The following LRMDA variants were observed in gnomAD, a reference collection of about 807,000 sequenced individuals.
LRMDA encodes leucine-rich melanocyte differentiation-associated protein.
Under a neutral mutation model 29.8 loss-of-function variants are expected in LRMDA, and 18 were observed. The observed-to-expected ratio is 0.60, with a 90% CI of 0.42 to 0.90. The LOEUF (loss-of-function observed/expected upper bound fraction) is 0.90, where lower values mean the gene tolerates loss of function less well. Ranked by LOEUF, LRMDA falls within the 40% of genes least tolerant of loss-of-function variation. The pLI is 0.00. For missense variants in LRMDA, 273 were observed against 273.9 expected (o/e 1.00, Z 0.02); for synonymous variants, 125 against 109.4 (o/e 1.14, Z -0.89).
intron 4 of LRMDA, among the ~76,000 whole-genome samples, chr10:76,053,846 G>A (rs925069577): frequency 1.9e-4 from 29 of 152,162 alleles, no homozygotes; most frequent in Middle Eastern, 3.2e-3. Context: ...CGAGGACATT[G>A]GTTCTCAGCA....
intron 2 of LRMDA, among the ~76,000 whole-genome samples, chr10:75,859,617 ACACAC>A (rs1844886626): frequency 7.1e-4 from 105 of 147,646 alleles, no homozygotes; most frequent in South Asian, 3.8e-3. Flanking sequence ...ACACACACAC[ACACAC>A]ACACACACAC....
chr10:76,070,740 A>C (rs1848862223), intron 5 of LRMDA, among the ~76,000 whole-genome samples: 1 of 151,530 alleles, frequency 6.6e-6, no homozygotes, highest in Non-Finnish European at 1.5e-5. Context: ...CTTCCTAGTA[A>C]GAGTAAAATA....
intron 6 of LRMDA, among the ~76,000 whole-genome samples, chr10:76,525,134 T>C (rs1266439026): frequency 2.6e-5 from 4 of 152,204 alleles, no homozygotes; most frequent in Non-Finnish European, 5.9e-5. Context: ...TTGTGATACT[T>C]ATCCAGTGTT....
chr10:75,887,182 T>C (rs7082811), intron 2 of LRMDA, among the ~76,000 whole-genome samples: 58,257 of 149,782 alleles, frequency 0.39, 13,207 homozygotes, highest in South Asian at 0.5. Context: ...ATATATGATT[T>C]ATGTAAATAA....
chr10:76,005,873 T>C (rs1847643354), intron 2 of LRMDA, among the ~76,000 whole-genome samples: 1 of 151,620 alleles, frequency 6.6e-6, no homozygotes. Context: ...GAGCTTGCAG[T>C]GAGCCGAGAT....
intron 2 of LRMDA, among the ~76,000 whole-genome samples, chr10:75,646,786 T>C (rs1189843918): frequency 6.6e-6 from 1 of 152,084 alleles, no homozygotes; most frequent in Non-Finnish European, 1.5e-5. Flanking sequence ...TTGGGATGAG[T>C]TGGGCAAAAG....
chr10:75,795,834 A>T (rs972345180), intron 2 of LRMDA, among the ~76,000 whole-genome samples: 4 of 152,138 alleles, frequency 2.6e-5, no homozygotes, highest in African/African-American at 9.7e-5. Flanking sequence ...GAATTTGTGG[A>T]ATGTTGATAT....
rs759653629 is a variant in LRMDA, at chr10:76,272,572, C to T, written c.517-51829C>T. 6.4e-4 allele frequency among the ~76,000 whole-genome samples: 97 copies of T among 152,318 alleles called. 1 individual carries two copies. The Middle Eastern group carries it at 0.031, about 48-fold the overall frequency. On this transcript the variant is annotated intron_variant, in intron 5 of 6. Transcript: ENST00000611255. ...GCTTTGAGATTCTAGAATAATTTCT[C>T]AGCATTTTCCAAACAGACTCAGTCA...
At chr10:76,029,097 G>A (rs1432111193) in intron 2 of LRMDA, among the ~76,000 whole-genome samples, 1 of 152,098 alleles carries the variant, frequency 6.6e-6, no homozygotes, top group Non-Finnish European at 1.5e-5. Flanking sequence ...TTACAGGCAT[G>A]AGCCATCATG....
At chr10:75,753,732 G>A (rs1842993607) in intron 2 of LRMDA, among the ~76,000 whole-genome samples, 1 of 152,204 alleles carries the variant, frequency 6.6e-6, no homozygotes, top group Admixed American at 6.5e-5. Context: ...CTGGATAATA[G>A]AATCTGATTT....
chr10:76,136,610 A>G (rs1280731390), intron 5 of LRMDA, among the ~76,000 whole-genome samples: 1 of 11,792 alleles, frequency 8.5e-5, no homozygotes, highest in Non-Finnish European at 1.4e-4. Flanking sequence ...ACTTTTAAAC[A>G]TATTAAAAAA....
chr10:76,130,920 C>T (rs771086390), intron 5 of LRMDA, among the ~76,000 whole-genome samples: 22 of 152,194 alleles, frequency 1.4e-4, no homozygotes, highest in Admixed American at 1.3e-4. Context: ...GCCTCGGCCT[C>T]CCAAAGTGCT....
At chr10:75,966,243 G>C (rs560726590) in intron 2 of LRMDA, among the ~76,000 whole-genome samples, 12 of 152,282 alleles carry the variant, frequency 7.9e-5, no homozygotes, top group Non-Finnish European at 1.6e-4. Context: ...CGAGAGCCTG[G>C]GTGTGAATCC....
intron 2 of LRMDA, among the ~76,000 whole-genome samples, chr10:75,567,840 T>A (rs1422867669): frequency 6.6e-6 from 1 of 152,188 alleles, no homozygotes; most frequent in African/African-American, 2.4e-5. Flanking sequence ...AAGAAGATTA[T>A]ACTTGCACTT....
chr10:76,154,457 G>T (rs1216377917), intron 5 of LRMDA, among the ~76,000 whole-genome samples: 1 of 152,166 alleles, frequency 6.6e-6, no homozygotes, highest in African/African-American at 2.4e-5. Flanking sequence ...CAATATAAAA[G>T]ATGACTTGCA....
At chr10:75,627,707 A>G (rs896382555) in intron 2 of LRMDA, among the ~76,000 whole-genome samples, 1 of 152,182 alleles carries the variant, frequency 6.6e-6, no homozygotes, top group South Asian at 2.1e-4. Context: ...TACCTCTACC[A>G]CAGGAGAAGA....
intron 3 of LRMDA, among the ~76,000 whole-genome samples, chr10:76,040,386 C>G (rs1003065601): frequency 2.0e-5 from 3 of 152,172 alleles, no homozygotes; most frequent in Non-Finnish European, 4.4e-5. Context: ...TTCCACCAGC[C>G]CTTTTTCTCA....
chr10:76,383,738 T>G (rs16933480), intron 6 of LRMDA, among the ~76,000 whole-genome samples: 4,484 of 152,084 alleles, frequency 0.029, 65 homozygotes, highest in African/African-American at 0.048. Flanking sequence ...CCCACCAATG[T>G]CTTTTCTACA....
chr10:75,752,909 T>G (rs1469597549), intron 2 of LRMDA, among the ~76,000 whole-genome samples: 3 of 152,214 alleles, frequency 2.0e-5, no homozygotes, highest in Non-Finnish European at 4.4e-5. Context: ...ATAGCCCCTT[T>G]CAGCTACCAT....
Sources: gnomAD v4.1 joint callset for allele counts (sites outside exome capture counted in the v4.1 genomes callset) on GRCh38, gnomAD v4.1.1 for gene constraint, MANE v1.5 for transcripts, NCBI Gene and HGNC (gene_info 2026-07-23, HGNC 2026-07-21) for gene names.